The following ANKS1B variants were observed in gnomAD, a reference collection of about 807,000 sequenced individuals.
ANKS1B encodes ankyrin repeat and sterile alpha motif domain containing 1B.
ANKS1B carries 36 observed loss-of-function variants against 148.3 expected under a neutral mutation model. That is an observed-to-expected ratio of 0.24 (90% CI 0.19 to 0.32). The LOEUF is 0.32. Among genes scored for constraint, ANKS1B ranks in the 10% least tolerant of loss-of-function variants. The pLI, the probability that ANKS1B is intolerant of heterozygous loss-of-function variation, is 1.00. For missense variants in ANKS1B, 1,157 were observed against 1,542.6 expected, an observed-to-expected ratio of 0.75 and a Z score of 4.19; for synonymous variants, 542 against 560.8, an observed-to-expected ratio of 0.97 and a Z score of 0.47.
At chr12:99,133,790 G>A (rs1381796411) in intron 15 of ANKS1B, among the ~76,000 whole-genome samples, 2 of 152,170 alleles carry the variant, frequency 1.3e-5, no homozygotes, top group African/African-American at 2.4e-5. Flanking sequence ...TCTACTTCAT[G>A]CCTCCTTTTC....
In ANKS1B at chr12:99,469,220, C is replaced by T. The variant is rs956429614; in HGVS notation, c.1439-25411G>A. Reference sequence around the variant, plus strand: ...AAACCAAACACCACATGTTCTCACTCATAGGTGGGAACTGAACAATGAGAA... The same window carrying T: ...AAACCAAACACCACATGTTCTCACTTATAGGTGGGAACTGAACAATGAGAA... On this transcript the variant is annotated intron_variant, in intron 10 of 26. Coordinates refer to ENST00000683438, the MANE Select transcript of ANKS1B (RefSeq NM_001352186.2). Among the ~76,000 whole-genome samples, 369 of 144,192 alleles carry T rather than the reference C, an allele frequency of 2.6e-3. 1 individual carries two copies. Among genetic ancestry groups the T allele is most frequent in the African/African-American group, 9.3e-3 (358 of 38,612 alleles). 94.6% of individuals were successfully genotyped at this position (144,192 alleles called of 152,430 possible). A position where few individuals can be genotyped will look rare whatever the true frequency, so the allele number is the denominator to read the frequency against.
intron 16 of ANKS1B, among the ~76,000 whole-genome samples, chr12:99,078,542 A>G (rs1296826189): frequency 6.6e-6 from 1 of 152,116 alleles, no homozygotes; most frequent in African/African-American, 2.4e-5. Flanking sequence ...CTCTTTTTTG[A>G]GTGGCAGTAG....
chr12:99,893,354 T>C (rs2153749771), intron 1 of ANKS1B, among the ~76,000 whole-genome samples: 1 of 145,900 alleles, frequency 6.9e-6, no homozygotes, highest in African/African-American at 2.6e-5. Flanking sequence ...GAGCTTGCAG[T>C]GAGCCGAGAT....
chr12:99,609,981 C>T (rs1179293541), intron 9 of ANKS1B, among the ~76,000 whole-genome samples: 2 of 152,048 alleles, frequency 1.3e-5, no homozygotes, highest in Non-Finnish European at 2.9e-5. Flanking sequence ...ATCTCACCTG[C>T]AGGCACTGGA....
At chr12:99,673,178 T>G (rs1203850496) in intron 8 of ANKS1B, among the ~76,000 whole-genome samples, 1 of 151,960 alleles carries the variant, frequency 6.6e-6, no homozygotes, top group Non-Finnish European at 1.5e-5. Context: ...GAAGAAAACT[T>G]TCCAGAATCA....
intron 14 of ANKS1B, among the ~76,000 whole-genome samples, chr12:99,204,983 T>C (rs2082469948): frequency 6.6e-6 from 1 of 152,186 alleles, no homozygotes; most frequent in Non-Finnish European, 1.5e-5. Flanking sequence ...CCAAAGGAGA[T>C]GCATTATTTT....
At chr12:99,695,710 C>A (rs1324890576) in intron 8 of ANKS1B, among the ~76,000 whole-genome samples, 1 of 152,090 alleles carries the variant, frequency 6.6e-6, no homozygotes, top group Non-Finnish European at 1.5e-5. Flanking sequence ...AGGGGAACAA[C>A]ACTCACTGGG....
At chr12:99,371,188 A>C (rs1347154562) in intron 12 of ANKS1B, among the ~76,000 whole-genome samples, 1 of 151,920 alleles carries the variant, frequency 6.6e-6, no homozygotes, top group Non-Finnish European at 1.5e-5. Context: ...GTATGTCCTA[A>C]TCTATTTCTT....
intron 15 of ANKS1B, among the ~76,000 whole-genome samples, chr12:99,117,156 T>C (rs2061614346): frequency 6.6e-6 from 1 of 152,236 alleles, no homozygotes; most frequent in African/African-American, 2.4e-5. Flanking sequence ...ACAGACAGTT[T>C]GACTTCCTCT....
At chr12:99,697,624 G>C (rs1476766021) in intron 8 of ANKS1B, among the ~76,000 whole-genome samples, 1 of 152,050 alleles carries the variant, frequency 6.6e-6, no homozygotes, top group Non-Finnish European at 1.5e-5. Flanking sequence ...AAGGTTTTTA[G>C]GGTAGTGAAA....
At chr12:99,278,770 T>G (rs11611415) in intron 12 of ANKS1B, among the ~76,000 whole-genome samples, 52,865 of 152,080 alleles carry the variant, frequency 0.35, 11,612 homozygotes, top group African/African-American at 0.63. Flanking sequence ...TGGAGAAAGG[T>G]AAATACTTCA....
intron 1 of ANKS1B, among the ~76,000 whole-genome samples, chr12:99,905,508 G>A (rs1428896531): frequency 2.0e-5 from 3 of 152,164 alleles, no homozygotes; most frequent in Non-Finnish European, 2.9e-5. Flanking sequence ...TCAATAAAGT[G>A]CTGTAATGTG....
rs560796832 is a variant in ANKS1B, at chr12:99,783,533, C to A, written c.670-1436G>T. Among the ~76,000 whole-genome samples the A allele has an allele frequency of 1.6e-4, 24 of 152,240 alleles. No homozygotes were observed. In the East Asian group the frequency reaches 3.7e-3, roughly 23 times the overall value. On this transcript the variant is annotated intron_variant, in intron 4 of 26. Coordinates refer to ENST00000683438, the MANE Select transcript of ANKS1B (RefSeq NM_001352186.2). Reference sequence around the variant, plus strand: ...ATATTTATGATAAATGAAATCTAAACAATTTAATGTAGCCATAAAAAAGAA... The same window carrying A: ...ATATTTATGATAAATGAAATCTAAAAAATTTAATGTAGCCATAAAAAAGAA...
intron 17 of ANKS1B, among the ~76,000 whole-genome samples, chr12:98,908,618 A>G (rs991564940): frequency 6.6e-6 from 1 of 152,166 alleles, no homozygotes; most frequent in African/African-American, 2.4e-5. Context: ...CTCTAATTCT[A>G]TATTTGTTAG....
intron 12 of ANKS1B, among the ~76,000 whole-genome samples, chr12:99,316,885 T>A (rs1226385016): frequency 6.6e-6 from 1 of 152,370 alleles, no homozygotes; most frequent in East Asian, 1.9e-4. Flanking sequence ...GCTTTCTACA[T>A]GTGGCTAGCC....
chr12:99,641,540 C>A (rs1193241018), intron 9 of ANKS1B, among the ~76,000 whole-genome samples: 1 of 151,984 alleles, frequency 6.6e-6, no homozygotes, highest in African/African-American at 2.4e-5. Flanking sequence ...ATCTGTGAAA[C>A]AAATGGATGG....
At chr12:98,924,092 C>T (rs1445592460) in intron 17 of ANKS1B, among the ~76,000 whole-genome samples, 3 of 152,188 alleles carry the variant, frequency 2.0e-5, no homozygotes, top group Non-Finnish European at 4.4e-5. Flanking sequence ...CTATTTCTCC[C>T]ATTCTTCCCT....
In ANKS1B at chr12:98,735,341, C is replaced by T. The variant is rs1451373782; in HGVS notation, c.*219G>A. ...TGAAACTCTTGTATTTATGATATAG[C>T]TTATATGATTTTTTTGCCTTGGTAT... On this transcript the variant is annotated 3_prime_UTR_variant, in exon 10 of 10. Transcript: ENST00000341752. 1.2e-5 allele frequency: 5 copies of T among 419,042 alleles called. No homozygotes were observed. In the East Asian group the frequency reaches 1.3e-4, roughly 11 times the overall value. The allele number at this position is 419,042 out of a possible 1,614,324, so 26.0% of individuals were successfully genotyped here.
At chr12:99,129,436 G>A (rs1376325543) in intron 15 of ANKS1B, among the ~76,000 whole-genome samples, 1 of 152,186 alleles carries the variant, frequency 6.6e-6, no homozygotes, top group Non-Finnish European at 1.5e-5. Context: ...CCAGAAGTGA[G>A]GCAGCACCAC....
Sources: gnomAD v4.1 joint callset for allele counts (sites outside exome capture counted in the v4.1 genomes callset) on GRCh38, gnomAD v4.1.1 for gene constraint, MANE v1.5 for transcripts, NCBI Gene and HGNC (gene_info 2026-07-23, HGNC 2026-07-21) for gene names.